The following SGSM2 variants were observed in gnomAD, a reference collection of about 807,000 sequenced individuals.
SGSM2 encodes small G protein signaling modulator 2, also known as RUN and TBC1 domain containing 1.
SGSM2 carries 89 observed loss-of-function variants against 126.6 expected under a neutral mutation model. The observed-to-expected ratio is 0.70, with a 90% CI of 0.59 to 0.84. SGSM2 has a LOEUF of 0.84. Among genes scored for constraint, SGSM2 ranks in the 40% least tolerant of loss-of-function variants. The pLI is 0.00. For synonymous variants in SGSM2, 614 were observed against 574.3 expected, an observed-to-expected ratio of 1.07 and a Z score of -0.99; for missense variants, 1,404 against 1,416.6, an observed-to-expected ratio of 0.99 and a Z score of 0.14.
chr17:2,364,646 T>C lies in SGSM2; in HGVS notation c.983T>C (p.Ile328Thr). 1 of 1,614,160 alleles carries C rather than the reference T, an allele frequency of 6.2e-7. No homozygotes were observed. The highest frequency in any genetic ancestry group is 8.5e-7 in the Non-Finnish European group (1 of 1,180,016). The change falls in exon 9 of 24, where the codon ATC becomes ACC. Residue 328 changes from isoleucine to threonine, a missense_variant. By Grantham distance (89) the Ile-to-Thr change is moderately conservative. Transcript: ENST00000268989. ...GTGCCCTTCAGCCAGGTCGTGTGCA[T>C]CCACTGCCACCAGCAAAGTAAGCCT... ...LVVPFSQVVC[I>T]HCHQQKSGGT...
chr17:2,377,743 C>A, intron 21 of SGSM2, 114 bp from the exon 22 acceptor site: 1 of 706,436 alleles, frequency 1.4e-6, no homozygotes. Flanking sequence ...ACAGACAGAC[C>A]CACTGCCAGG....
chr17:2,351,170 T>C (rs2064832077), intron 2 of SGSM2, among the ~76,000 whole-genome samples: 1 of 152,058 alleles, frequency 6.6e-6, no homozygotes, highest in African/African-American at 2.4e-5. Context: ...GGAGAATTGC[T>C]TGAACCTGGC....
chr17:2,354,694 C>T (rs2065016963), intron 2 of SGSM2, among the ~76,000 whole-genome samples: 1 of 152,220 alleles, frequency 6.6e-6, no homozygotes, highest in Non-Finnish European at 1.5e-5. Context: ...CATATTGCGT[C>T]TATACGGGTT....
At chr17:2,345,465 G>A (rs566007020) in intron 2 of SGSM2, among the ~76,000 whole-genome samples, 99 of 152,002 alleles carry the variant, frequency 6.5e-4, no homozygotes, top group Middle Eastern at 6.8e-3. Flanking sequence ...GCGTGGTGGC[G>A]GGCGCCTGTA....
rs1463599922 is a variant in SGSM2 at position 2,380,931 on chromosome 17, C to T, written c.*1411C>T. The T allele has an allele frequency of 3.2e-5, 5 of 155,908 alleles. No individual in the cohort carries two copies. Among genetic ancestry groups the T allele is most frequent in the Admixed American group, 6.4e-5 (1 of 15,578 alleles). The allele number at this position is 155,908 out of a possible 1,614,324, so 9.7% of individuals were successfully genotyped here. A position where few individuals can be genotyped will look rare whatever the true frequency, so the allele number is the denominator to read the frequency against. The stretch of plus-strand genomic sequence containing the variant: ...GTGAGTCCTTGGCCTCCACCAAGCA[C>T]GTGTGGCCATTGTGTGCCTGCCTTA... On this transcript the variant is annotated 3_prime_UTR_variant, in exon 24 of 24. Coordinates refer to ENST00000268989, the MANE Select transcript of SGSM2 (RefSeq NM_014853.3).
chr17:2,362,200 G>C lies in SGSM2; in HGVS notation c.388G>C (p.Val130Leu). 6.2e-7 allele frequency: 1 copy of C among 1,613,610 alleles called. No individual in the cohort carries two copies. Among genetic ancestry groups the C allele is most frequent in the Non-Finnish European group, 8.5e-7 (1 of 1,179,866 alleles). ...PALSPQALKH[V>L]WVRTALIEKV... The stretch of plus-strand genomic sequence containing the variant: ...CCTCAGCCCTCAGGCCTTGAAACAC[G>C]TATGGGTACGCACGGCGCTCATCGA... Residue 130 changes from valine to leucine, a missense_variant, in exon 4 of 24, where the codon GTA (valine) becomes CTA (leucine). Coordinates refer to ENST00000268989, the MANE Select transcript of SGSM2 (RefSeq NM_014853.3). This position sits in a 1 kb window ranked among gnomAD's most constrained non-coding sequence, Gnocchi z 4.9.
At position 2,363,338 on chromosome 17, in the gene SGSM2, G is replaced by T. The variant is rs2065405877; in HGVS notation, c.673-127G>T. ...CGTGGCTGGAGAGCAGAGGGTGGCTGGGAGTAAACCGGGGCAGGAAGGACC... is the reference window on the plus strand; with the variant it reads ...CGTGGCTGGAGAGCAGAGGGTGGCTTGGAGTAAACCGGGGCAGGAAGGACC... On this transcript the variant is annotated intron_variant, in intron 6 of 23. Coordinates refer to ENST00000268989, the MANE Select transcript of SGSM2 (RefSeq NM_014853.3). The surrounding 1 kb of genome is among the most constrained non-coding windows in gnomAD (Gnocchi z 4.2). 5 of 1,460,112 alleles carry T rather than the reference G, an allele frequency of 3.4e-6. No individual in the cohort carries two copies. Among genetic ancestry groups the T allele is most frequent in the Non-Finnish European group, 4.6e-6 (5 of 1,082,534 alleles). The allele number at this position is 1,460,112 out of a possible 1,614,324, so 90.4% of individuals were successfully genotyped here. A position where few individuals can be genotyped will look rare whatever the true frequency, so the allele number is the denominator to read the frequency against.
intron 12 of SGSM2, among the ~76,000 whole-genome samples, chr17:2,368,506 T>G (rs1163880911): frequency 6.6e-6 from 1 of 152,224 alleles, no homozygotes; most frequent in Non-Finnish European, 1.5e-5. Flanking sequence ...GCTTCCAAAG[T>G]TCTGCCGGGA....
chr17:2,337,658 A>AG lies in SGSM2; in HGVS notation c.-29dup, dbSNP rs758602932. The AG allele has an allele frequency of 3.8e-5, 55 of 1,431,208 alleles. No homozygotes were observed. The African/African-American group carries it at 7.7e-4, about 20-fold the overall frequency. The allele number at this position is 1,431,208 out of a possible 1,614,324, so 88.7% of individuals were successfully genotyped here. On this transcript the variant is annotated 5_prime_UTR_variant, in exon 1 of 24. Transcript: ENST00000268989. This position sits in a 1 kb window ranked among gnomAD's most constrained non-coding sequence, Gnocchi z 5.1. Reference sequence around the variant, plus strand: ...AGGCGGCGAGGGCGCGGGGGCTCTGAGGACCGCTCGGCGCCGCCTCCTGCC... The same window carrying AG: ...AGGCGGCGAGGGCGCGGGGGCTCTGAGGGACCGCTCGGCGCCGCCTCCTGCC...
chr17:2,378,994 T>C (rs762688108), intron 22 of SGSM2, 42 bp from the exon 23 acceptor site: 7 of 1,586,894 alleles, frequency 4.4e-6, no homozygotes, highest in Non-Finnish European at 6.0e-6. Flanking sequence ...GCCCCAGATA[T>C]GCGGCTAGGA....
At chr17:2,342,094 C>T (rs568456909) in intron 1 of SGSM2, among the ~76,000 whole-genome samples, 61 of 152,234 alleles carry the variant, frequency 4.0e-4, no homozygotes, top group African/African-American at 1.4e-3. Flanking sequence ...AAACACTACA[C>T]GCTGAGTGAT....
chr17:2,376,245 A>G lies in SGSM2; in HGVS notation c.2593A>G (p.Arg865Gly), dbSNP rs746283404. 2 of 1,613,552 alleles carry G rather than the reference A, an allele frequency of 1.2e-6. No homozygotes were observed. The highest frequency in any genetic ancestry group is 3.3e-5 in the Admixed American group (2 of 60,000). The change falls in exon 19 of 24, where the codon AGA (arginine) becomes GGA (glycine). Residue 865 changes from arginine to glycine, a missense_variant. By Grantham distance (125) the Arg-to-Gly change is moderately radical. Coordinates refer to ENST00000268989, the MANE Select transcript of SGSM2 (RefSeq NM_014853.3). Reference protein sequence around the residue: ...YFTPPNLERLRDVMCSYVWEH... With the variant: ...YFTPPNLERLGDVMCSYVWEH... ...CACGCCCCCCAACCTCGAGAGGCTCAGAGACGTCATGTGCAGGTGCCTTGT... is the reference window on the plus strand; with the variant it reads ...CACGCCCCCCAACCTCGAGAGGCTCGGAGACGTCATGTGCAGGTGCCTTGT...
rs565656930 is a variant in SGSM2, at chr17:2,373,063, C to G, written c.1899C>G (p.Ser633Arg). 26 of 1,610,104 alleles carry G rather than the reference C, an allele frequency of 1.6e-5. No individual in the cohort carries two copies. In the South Asian group the frequency reaches 2.9e-4, roughly 18 times the overall value. Residue 633 changes from serine (S) to arginine (R), a missense_variant, in exon 16 of 24, where the codon AGC becomes AGG. Transcript: ENST00000268989. ...TTGGCCACTACAAGTTCGGCATGAG[C>G]AAGAAGGAGATGGAGCAGGTGAGGG... is the stretch of plus-strand genomic sequence containing the variant. ...FLLGHYKFGMSKKEMEQVDAV... is the reference protein window; with the variant it reads ...FLLGHYKFGMRKKEMEQVDAV...
At position 2,375,487 on chromosome 17, in the gene SGSM2, C is replaced by G. The variant is rs201528453; in HGVS notation, c.2101-5C>G. 392 of 1,603,810 alleles carry G rather than the reference C, an allele frequency of 2.4e-4. No individual in the cohort carries two copies. Among genetic ancestry groups the G allele is most frequent in the Non-Finnish European group, 3.1e-4 (363 of 1,173,936 alleles). ...AGGTGGAGCCGCCCTGTGTTCACCC[C>G]CCAGGTGTTTATCTCAGTGGATGAT... On this transcript the variant is annotated splice_polypyrimidine_tract_variant and splice_region_variant and intron_variant, in intron 17 of 23. Transcript: ENST00000268989.
In SGSM2 at chr17:2,362,115, C is replaced by T; in HGVS notation, c.303C>T (p.Pro101=). Residue 101 remains proline (P), a synonymous_variant, in exon 4 of 24, where the codon CCC becomes CCT. Transcript: ENST00000268989. This position sits in a 1 kb window ranked among gnomAD's most constrained non-coding sequence, Gnocchi z 4.9. ...GCCCTCCCCGCCTTTGCAGGAAACC[C>T]TCAGGGGTCAGCCAGGAGGCCCTGC... ...ELQQQAEGRK[P]SGVSQEALRR... 6.2e-7 allele frequency: 1 copy of T among 1,612,174 alleles called. No individual in the cohort carries two copies. The highest frequency in any genetic ancestry group is 8.5e-7 in the Non-Finnish European group (1 of 1,179,466).
intron 12 of SGSM2, among the ~76,000 whole-genome samples, chr17:2,369,319 T>C (rs1322494247): frequency 2.0e-5 from 3 of 152,206 alleles, no homozygotes; most frequent in Non-Finnish European, 4.4e-5. Flanking sequence ...TTCCTTTTCC[T>C]GCTGCCTCCC....
At chr17:2,368,062 CTG>C (rs2065679969) in intron 12 of SGSM2, among the ~76,000 whole-genome samples, 1 of 152,208 alleles carries the variant, frequency 6.6e-6, no homozygotes, top group African/African-American at 2.4e-5. Context: ...CCCTGGTTCA[CTG>C]TGTGGTTTTG....
intron 2 of SGSM2, among the ~76,000 whole-genome samples, chr17:2,359,281 C>T (rs377252543): frequency 5.3e-5 from 8 of 152,210 alleles, no homozygotes; most frequent in African/African-American, 1.9e-4. Context: ...CTGCACACTG[C>T]ACGCGATAAC....
chr17:2,345,037 A>T (rs72824330), intron 2 of SGSM2, among the ~76,000 whole-genome samples: 3 of 152,228 alleles, frequency 2.0e-5, no homozygotes, highest in East Asian at 3.9e-4. Context: ...AGGTTTCCCC[A>T]GTTCTTTGAG....
Sources: allele counts gnomAD v4.1 joint callset (sites outside exome capture counted in the v4.1 genomes callset), GRCh38; gene constraint gnomAD v4.1.1; non-coding constraint Gnocchi (gnomAD v3.1); transcripts MANE v1.5; gene names NCBI Gene and HGNC (gene_info 2026-07-23, HGNC 2026-07-21).